SLC15A1: variants seen among roughly 807,000 people sequenced by gnomAD.
SLC15A1 encodes the protein solute carrier family 15 member 1.
SLC15A1 carries 83 observed loss-of-function variants against 92.9 expected under a neutral mutation model. That is an observed-to-expected ratio of 0.89 (90% CI 0.75 to 1.07). SLC15A1 has a LOEUF of 1.07. Ranked by LOEUF, SLC15A1 falls within the 50% of genes least tolerant of loss-of-function variation. The probability of loss-of-function intolerance (pLI) is 0.00; values close to 1 mark genes in which losing one functional copy is unlikely to be tolerated. For synonymous variants in SLC15A1, 322 were observed against 318.2 expected (o/e 1.01, Z -0.13); for missense variants, 857 against 880.1 (o/e 0.97, Z 0.33).
chr13:98,750,940 G>A (rs917395150), intron 1 of SLC15A1, among the ~76,000 whole-genome samples: 9 of 151,862 alleles, frequency 5.9e-5, no homozygotes, highest in Admixed American at 5.9e-4. Context: ...TTTTAGTAGA[G>A]ACGGGGGTCT....
chr13:98,700,047 T>C (rs1475169932), intron 18 of SLC15A1, among the ~76,000 whole-genome samples: 1 of 152,246 alleles, frequency 6.6e-6, no homozygotes, highest in African/African-American at 2.4e-5. Flanking sequence ...TCTATTTACA[T>C]TGAGCTTTTA....
Position 98,752,610 on chromosome 13 carries a change from C to T in SLC15A1, c.-12G>A. 1.6e-6 allele frequency: 2 copies of T among 1,254,908 alleles called. No homozygotes were observed. Among genetic ancestry groups the T allele is most frequent in the South Asian group, 3.2e-5 (1 of 30,932 alleles). The allele number at this position is 1,254,908 out of a possible 1,614,324, so 77.7% of individuals were successfully genotyped here. A position where few individuals can be genotyped will look rare whatever the true frequency, so the allele number is the denominator to read the frequency against. On this transcript the variant is annotated 5_prime_UTR_variant, in exon 1 of 23. Coordinates refer to ENST00000376503, the MANE Select transcript of SLC15A1 (RefSeq NM_005073.4). ...CCGAGCGTACCCATGGCGGCGGCTC[C>T]CAGGGCTCCTGCGACCTGCCGGCGG...
chr13:98,696,613 A>T (rs2088023793), intron 18 of SLC15A1, among the ~76,000 whole-genome samples: 1 of 152,174 alleles, frequency 6.6e-6, no homozygotes, highest in African/African-American at 2.4e-5. Context: ...AGAATCAAAT[A>T]CAAAGACCAG....
At chr13:98,728,705 G>A (rs987529957) in intron 1 of SLC15A1, among the ~76,000 whole-genome samples, 3 of 151,960 alleles carry the variant, frequency 2.0e-5, no homozygotes, top group Non-Finnish European at 4.4e-5. Flanking sequence ...TAGAGGCTGG[G>A]CGCGGTGGCT....
chr13:98,748,848 G>A (rs2088517791), intron 1 of SLC15A1, among the ~76,000 whole-genome samples: 2 of 152,148 alleles, frequency 1.3e-5, no homozygotes, highest in African/African-American at 2.4e-5. Flanking sequence ...ATCACACCAC[G>A]TGGGAACGTG....
At chr13:98,698,820 T>C (rs2088044040) in intron 18 of SLC15A1, among the ~76,000 whole-genome samples, 1 of 152,158 alleles carries the variant, frequency 6.6e-6, no homozygotes, top group African/African-American at 2.4e-5. Flanking sequence ...GTATACAAAA[T>C]ATACTATTAC....
At chr13:98,736,250 C>A (rs1373134182) in intron 1 of SLC15A1, among the ~76,000 whole-genome samples, 2 of 152,192 alleles carry the variant, frequency 1.3e-5, no homozygotes. Flanking sequence ...AAAGGATTCC[C>A]TATTTAATAA....
chr13:98,711,096 C>T (rs1401071384), intron 11 of SLC15A1, among the ~76,000 whole-genome samples: 1 of 152,106 alleles, frequency 6.6e-6, no homozygotes, highest in Non-Finnish European at 1.5e-5. Context: ...TGAATGTGTA[C>T]ACTCACATTT....
chr13:98,738,860 G>A (rs1216287962), intron 1 of SLC15A1, among the ~76,000 whole-genome samples: 1 of 152,228 alleles, frequency 6.6e-6, no homozygotes, highest in East Asian at 1.9e-4. Context: ...CAGACCCTAG[G>A]ATGGTAGATC....
chr13:98,706,310 T>C, intron 15 of SLC15A1, 57 bp from the exon 16 acceptor site: 1 of 1,588,302 alleles, frequency 6.3e-7, no homozygotes, highest in Non-Finnish European at 8.6e-7. Flanking sequence ...TGGAAAGTCA[T>C]CTTAACCCTG....
intron 1 of SLC15A1, among the ~76,000 whole-genome samples, chr13:98,735,628 G>A (rs1002342716): frequency 2.0e-5 from 3 of 152,192 alleles, no homozygotes; most frequent in Admixed American, 6.5e-5. Flanking sequence ...AAGCTGATAA[G>A]CAACTTCAGC....
intron 15 of SLC15A1, among the ~76,000 whole-genome samples, chr13:98,707,838 C>G (rs1697395375): frequency 7.5e-6 from 1 of 132,940 alleles, no homozygotes; most frequent in Non-Finnish European, 1.5e-5. Context: ...CTGCAGTGAG[C>G]ATGATCGCAC....
chr13:98,693,317 C>T (rs1005241882), intron 18 of SLC15A1, among the ~76,000 whole-genome samples: 1 of 151,750 alleles, frequency 6.6e-6, no homozygotes, highest in Non-Finnish European at 1.5e-5. Context: ...AGGCTGGTCT[C>T]GAATTCCTGG....
intron 15 of SLC15A1, among the ~76,000 whole-genome samples, chr13:98,706,769 C>G (rs2088116041): frequency 6.6e-6 from 1 of 152,138 alleles, no homozygotes; most frequent in African/African-American, 2.4e-5. Context: ...ATTACCCAGT[C>G]TTGGGTACGT....
intron 1 of SLC15A1, among the ~76,000 whole-genome samples, chr13:98,739,657 T>C (rs2088426384): frequency 6.6e-6 from 1 of 152,142 alleles, no homozygotes; most frequent in African/African-American, 2.4e-5. Context: ...AGTGAGCAGA[T>C]GCCAGCACCA....
chr13:98,735,465 T>C (rs951935762), intron 1 of SLC15A1, among the ~76,000 whole-genome samples: 11 of 152,290 alleles, frequency 7.2e-5, no homozygotes, highest in Admixed American at 5.2e-4. Flanking sequence ...CTATTCAACA[T>C]AGAGTTGGAA....
intron 18 of SLC15A1, among the ~76,000 whole-genome samples, chr13:98,698,604 T>A (rs2088042036): frequency 6.6e-6 from 1 of 152,042 alleles, no homozygotes; most frequent in Admixed American, 6.6e-5. Context: ...CCATGCCTAA[T>A]TTTTGTATTT....
chr13:98,684,748 C>A lies in SLC15A1; in HGVS notation c.2103G>T (p.Gly701=). The A allele has an allele frequency of 6.2e-7, 1 of 1,613,944 alleles. No individual in the cohort carries two copies. The highest frequency in any genetic ancestry group is 8.5e-7 in the Non-Finnish European group (1 of 1,179,994). ...LEKSNPYFMS[G]ANSQKQM Reference sequence around the variant, plus strand: ...TTCACATCTGTTTCTGTGAATTGGCCCCTGACATGAAATATGGGTTACTCT... The same window carrying A: ...TTCACATCTGTTTCTGTGAATTGGCACCTGACATGAAATATGGGTTACTCT... The change falls in exon 23 of 23, where the codon GGG becomes GGT. Residue 701 remains glycine, a synonymous_variant. Transcript: ENST00000376503.
At chr13:98,745,868 A>T (rs1162637645) in intron 1 of SLC15A1, among the ~76,000 whole-genome samples, 3 of 151,602 alleles carry the variant, frequency 2.0e-5, no homozygotes, top group Non-Finnish European at 4.4e-5. Flanking sequence ...AACTTGTAAC[A>T]TTATTTATTT....
Sources: gnomAD v4.1 joint callset for allele counts (sites outside exome capture counted in the v4.1 genomes callset) on GRCh38, gnomAD v4.1.1 for gene constraint, MANE v1.5 for transcripts, NCBI Gene and HGNC (gene_info 2026-07-23, HGNC 2026-07-21) for gene names.